Variants in MAST4 observed in about 807,000 individuals in gnomAD.
The protein encoded by MAST4 is microtubule associated serine/threonine kinase family member 4.
In MAST4, 89 loss-of-function variants were observed where a neutral mutation model predicts 162.7. That is an observed-to-expected ratio of 0.55 (90% confidence interval 0.46 to 0.65). MAST4 has a LOEUF of 0.65. Among genes scored for constraint, MAST4 ranks in the 30% least tolerant of loss-of-function variants. The pLI is 0.00. For missense variants in MAST4, 3,153 were observed against 3,374.0 expected, an observed-to-expected ratio of 0.93 and a Z score of 1.62; for synonymous variants, 1,479 against 1,361.1, an observed-to-expected ratio of 1.09 and a Z score of -1.91.
intron 1 of MAST4, among the ~76,000 whole-genome samples, chr5:66,612,621 C>G (rs1018540822): frequency 6.6e-5 from 10 of 152,206 alleles, no homozygotes; most frequent in African/African-American, 2.4e-4. Context: ...CACACAGTGA[C>G]TCGACCTGAA....
At chr5:67,062,715 T>C (rs1339525365) in intron 5 of MAST4, among the ~76,000 whole-genome samples, 1 of 152,184 alleles carries the variant, frequency 6.6e-6, no homozygotes, top group African/African-American at 2.4e-5. Flanking sequence ...AGGAATTAAG[T>C]TTCCTGGTGC....
In MAST4 at chr5:66,780,281, A is replaced by C. The variant is rs1051609683; in HGVS notation, c.518-8389A>C. Among the ~76,000 whole-genome samples the C allele has an allele frequency of 3.9e-5, 6 of 152,032 alleles. No homozygotes were observed. In the East Asian group the frequency reaches 1.2e-3, roughly 29 times the overall value. ...CACTTTCTATGAAAGAATGCATTTG[A>C]CTATTCTGGGTACTTCACATAAATG... On this transcript the variant is annotated intron_variant, in intron 2 of 28. Transcript: ENST00000403625.
intron 4 of MAST4, among the ~76,000 whole-genome samples, chr5:66,918,054 A>G (rs1764235006): frequency 6.6e-6 from 1 of 152,140 alleles, no homozygotes; most frequent in Non-Finnish European, 1.5e-5. Context: ...TGAGAAACTA[A>G]AGGTTACTAC....
At chr5:66,756,922 A>G (rs989980418) in intron 1 of MAST4, among the ~76,000 whole-genome samples, 1 of 152,206 alleles carries the variant, frequency 6.6e-6, no homozygotes. Context: ...TCCCAGATTT[A>G]AAATAATACT....
chr5:67,093,601 T>A (rs916238469), intron 6 of MAST4: 1 of 461,322 alleles, frequency 2.2e-6, no homozygotes, highest in African/African-American at 2.0e-5. Context: ...CATTCTCGTT[T>A]AAACATCTTT....
At chr5:66,797,375 G>A (rs1200911026) in intron 3 of MAST4, among the ~76,000 whole-genome samples, 1 of 152,054 alleles carries the variant, frequency 6.6e-6, no homozygotes, top group Non-Finnish European at 1.5e-5. Context: ...TTCCTATCTT[G>A]CTTTTTCTAG....
intron 4 of MAST4, among the ~76,000 whole-genome samples, chr5:67,009,680 T>A (rs893645319): frequency 6.6e-6 from 1 of 152,110 alleles, no homozygotes; most frequent in African/African-American, 2.4e-5. Flanking sequence ...CAAATGAAGA[T>A]GAGTAGTGGG....
chr5:66,922,699 C>CA (rs1222724431), intron 4 of MAST4, among the ~76,000 whole-genome samples: 1 of 151,964 alleles, frequency 6.6e-6, no homozygotes, highest in African/African-American at 2.4e-5. Context: ...TAGAAAACTT[C>CA]AAAAGTGAAG....
chr5:66,914,846 T>G (rs1764004150), intron 4 of MAST4, among the ~76,000 whole-genome samples: 2 of 152,078 alleles, frequency 1.3e-5, no homozygotes, highest in Non-Finnish European at 2.9e-5. Flanking sequence ...TGTCTTCTAG[T>G]GGAGAGAGGT....
At chr5:66,728,849 A>T (rs1370820404) in intron 1 of MAST4, among the ~76,000 whole-genome samples, 1 of 152,208 alleles carries the variant, frequency 6.6e-6, no homozygotes, top group African/African-American at 2.4e-5. Context: ...GGTGGTATGT[A>T]TAAGTTTCTA....
intron 3 of MAST4, among the ~76,000 whole-genome samples, chr5:66,840,347 G>A (rs1414577606): frequency 6.6e-6 from 1 of 152,034 alleles, no homozygotes; most frequent in Non-Finnish European, 1.5e-5. Flanking sequence ...GGTAAAGATT[G>A]AATTATATTG....
Position 66,913,280 on chromosome 5 carries a change from C to T in MAST4, c.674+13298C>T, listed in dbSNP as rs1408621288. Among the ~76,000 whole-genome samples the T allele has an allele frequency of 2.0e-5, 3 of 152,274 alleles. No individual in the cohort carries two copies. The East Asian group carries it at 5.8e-4, about 29-fold the overall frequency. On this transcript the variant is annotated intron_variant, in intron 4 of 28. Transcript: ENST00000403625. ...TCCTGCCCCTTTGTCATTGCTCCCCCACCCCCACATCCCCAACCAGACAAC... is the reference window on the plus strand; with the variant it reads ...TCCTGCCCCTTTGTCATTGCTCCCCTACCCCCACATCCCCAACCAGACAAC...
At chr5:66,992,913 T>G (rs34693) in intron 4 of MAST4, among the ~76,000 whole-genome samples, 87,431 of 151,994 alleles carry the variant, frequency 0.58, 25,449 homozygotes, top group East Asian at 0.68. Flanking sequence ...ATTCTCATCT[T>G]TTCTCTGCTA....
intron 1 of MAST4, among the ~76,000 whole-genome samples, chr5:66,625,175 C>T (rs4077942): frequency 3.3e-5 from 5 of 152,006 alleles, no homozygotes; most frequent in Admixed American, 2.6e-4. Context: ...TTCATGTGTG[C>T]GTGTGTGTGT....
intron 2 of MAST4, among the ~76,000 whole-genome samples, chr5:66,785,046 A>G (rs577483710): frequency 7.2e-4 from 109 of 152,162 alleles, no homozygotes; most frequent in Non-Finnish European, 1.3e-3. Context: ...GCCATTGTAC[A>G]ACATGGTAAA....
At chr5:66,765,635 T>G (rs1421784282) in intron 2 of MAST4, among the ~76,000 whole-genome samples, 1 of 152,156 alleles carries the variant, frequency 6.6e-6, no homozygotes, top group East Asian at 1.9e-4. Context: ...AAAAAATCTT[T>G]TACAATAAAA....
intron 1 of MAST4, among the ~76,000 whole-genome samples, chr5:66,720,307 G>T (rs138061154): frequency 6.6e-6 from 1 of 151,760 alleles, no homozygotes; most frequent in African/African-American, 2.4e-5. Flanking sequence ...TGATTTTTCT[G>T]TACCATGTAA....
At position 67,110,149 on chromosome 5, in the gene MAST4, C is replaced by T. The variant is rs1766061770; in HGVS notation, c.1408C>T (p.Arg470Ter). Residue 470 changes from arginine to a stop codon, truncating the protein, a stop_gained, in exon 11 of 29, where the codon CGA (arginine) becomes TGA (stop). Transcript: ENST00000403625. LOFTEE classifies it high-confidence loss of function. ...ATTGGCATTTATTAAACAACTAGTT[C>T]GAAAGATCCTAATTGTTATTGCCCG... ...GELAFIKQLV[R>*]KILIVIARPA... The T allele has an allele frequency of 3.1e-6, 5 of 1,613,642 alleles. No individual in the cohort carries two copies. Among genetic ancestry groups the T allele is most frequent in the South Asian group, 2.2e-5 (2 of 91,044 alleles).
At chr5:67,020,347 T>C (rs961357513) in intron 4 of MAST4, among the ~76,000 whole-genome samples, 1 of 152,204 alleles carries the variant, frequency 6.6e-6, no homozygotes, top group Admixed American at 6.5e-5. Context: ...TTGTTGGAAT[T>C]CTGGGAGCAT....
Sources: allele counts gnomAD v4.1 joint callset (sites outside exome capture counted in the v4.1 genomes callset), GRCh38; gene constraint gnomAD v4.1.1; transcripts MANE v1.5; gene names NCBI Gene and HGNC (gene_info 2026-07-23, HGNC 2026-07-21).